Variants in DAP3 observed in about 807,000 individuals in gnomAD.
DAP3 encodes the protein death associated protein 3, also known as small ribosomal subunit protein mS29.
Under a neutral mutation model 51.9 loss-of-function variants are expected in DAP3, and 28 were observed. The observed-to-expected ratio is 0.54, with a 90% CI of 0.40 to 0.74. The LOEUF (loss-of-function observed/expected upper bound fraction) is 0.74. DAP3 is among the 30% of genes least tolerant of loss of function. DAP3 has a pLI of 0.00. For synonymous variants in DAP3, 170 were observed against 170.3 expected, an observed-to-expected ratio of 1.00 and a Z score of 0.01; for missense variants, 458 against 483.5, an observed-to-expected ratio of 0.95 and a Z score of 0.49.
rs753601848 is a variant in DAP3, at chr1:155,693,918, G to A, written c.-8+4744G>A. ...GGAGGTTGCAGTGAGCTGAGATTGC[G>A]CCATTGCACTCCAGCCTGTGCAACA... On this transcript the variant is annotated intron_variant, in intron 1 of 12. Transcript: ENST00000368336. Among the ~76,000 whole-genome samples the A allele has an allele frequency of 8.6e-5, 12 of 140,324 alleles. 1 individual carries two copies. The highest frequency in any genetic ancestry group is 2.1e-4 in the South Asian group (1 of 4,804). 92.1% of individuals were successfully genotyped at this position (140,324 alleles called of 152,430 possible). A position where few individuals can be genotyped will look rare whatever the true frequency, so the allele number is the denominator to read the frequency against.
chr1:155,697,232 C>T (rs957139797), intron 1 of DAP3, among the ~76,000 whole-genome samples: 9 of 152,112 alleles, frequency 5.9e-5, no homozygotes, highest in African/African-American at 1.7e-4. Context: ...GTGCGGCAAG[C>T]TGAGTTTCAG....
intron 8 of DAP3, 38 bp from the exon 9 acceptor site, chr1:155,729,170 C>T (rs372817713): frequency 1.9e-6 from 3 of 1,613,922 alleles, no homozygotes; most frequent in Non-Finnish European, 2.5e-6. Context: ...CAAGAGAAGG[C>T]CTCTGGTAGC....
At position 155,725,454 on chromosome 1, in the gene DAP3, A is replaced by T. The variant is rs1330274964; in HGVS notation, c.343A>T (p.Thr115Ser). Reference protein sequence around the residue: ...ALELLHYLKNTSFAYPAIRYL... With the variant: ...ALELLHYLKNSSFAYPAIRYL... ...AGAACTTCTGCATTACCTGAAAAAC[A>T]CCAGTTTTGCTTATCCAGCTATACG... The change falls in exon 5 of 13, where the codon ACC becomes TCC. Residue 115 changes from threonine to serine, a missense_variant. Physicochemically the swap from Thr to Ser is moderately conservative, Grantham distance 58 (BLOSUM62 1). Coordinates refer to ENST00000368336, the MANE Select transcript of DAP3 (RefSeq NM_004632.4). 6.2e-7 allele frequency: 1 copy of T among 1,614,166 alleles called. No individual in the cohort carries two copies. Among genetic ancestry groups the T allele is most frequent in the East Asian group, 2.2e-5 (1 of 44,892 alleles).
intron 2 of DAP3, among the ~76,000 whole-genome samples, 169 bp from the exon 3 acceptor site, chr1:155,716,837 C>G (rs544570828): frequency 6.6e-6 from 1 of 151,766 alleles, no homozygotes; most frequent in South Asian, 2.1e-4. Flanking sequence ...ATCCCAGTTA[C>G]TCAGGAAGCT....
intron 1 of DAP3, among the ~76,000 whole-genome samples, chr1:155,694,439 A>G (rs1654256056): frequency 7.1e-6 from 1 of 141,588 alleles, no homozygotes; most frequent in Non-Finnish European, 1.5e-5. Flanking sequence ...GAGACTTACC[A>G]CCATGGTAAT....
chr1:155,718,713 T>TAGAA (rs1657632530), intron 3 of DAP3, among the ~76,000 whole-genome samples: 1 of 100,796 alleles, frequency 9.9e-6, no homozygotes, highest in South Asian at 2.7e-4. Flanking sequence ...GAAAGATAGA[T>TAGAA]AGATAGATAG....
chr1:155,725,789 G>A (rs11264406), intron 5 of DAP3, 138 bp from the exon 6 acceptor site: 501 of 724,604 alleles, frequency 6.9e-4, no homozygotes, highest in Middle Eastern at 3.5e-3. Context: ...GCTTGAACCC[G>A]GGAAGCGGAG....
At position 155,693,993 on chromosome 1, in the gene DAP3, A is replaced by G. The variant is rs917628628; in HGVS notation, c.-8+4819A>G. On this transcript the variant is annotated intron_variant, in intron 1 of 12. Coordinates refer to ENST00000368336, the MANE Select transcript of DAP3 (RefSeq NM_004632.4). Reference sequence around the variant, plus strand: ...AAAGAAAGAAAAAAAAAGAGATACAATCCTTTCAAATCAATATTTCTAAAT... The same window carrying G: ...AAAGAAAGAAAAAAAAAGAGATACAGTCCTTTCAAATCAATATTTCTAAAT... 4.2e-5 allele frequency among the ~76,000 whole-genome samples: 6 copies of G among 141,530 alleles called. 1 individual carries two copies. Among genetic ancestry groups the G allele is most frequent in the South Asian group, 2.1e-4 (1 of 4,820 alleles). 92.8% of individuals were successfully genotyped at this position (141,530 alleles called of 152,430 possible). A position where few individuals can be genotyped will look rare whatever the true frequency, so the allele number is the denominator to read the frequency against.
intron 6 of DAP3, 193 bp downstream of exon 6, chr1:155,726,212 CAA>C (rs1388851238): frequency 1.8e-5 from 7 of 382,156 alleles, no homozygotes; most frequent in Admixed American, 1.8e-4. Context: ...CTCCCAGGCT[CAA>C]GAGATTCTCC....
chr1:155,688,651 A>T (rs1343436158), upstream of DAP3: 8 of 1,532,916 alleles, frequency 5.2e-6, no homozygotes, highest in African/African-American at 8.3e-5. Context: ...GCAGGCCCTC[A>T]CGCGTACCTT....
intron 1 of DAP3, among the ~76,000 whole-genome samples, chr1:155,695,864 G>T (rs1386704039): frequency 6.6e-6 from 1 of 152,122 alleles, no homozygotes; most frequent in African/African-American, 2.4e-5. Context: ...AACAATCATG[G>T]CTCCTTCCAA....
At chr1:155,700,516 G>A (rs942148512) in intron 1 of DAP3, among the ~76,000 whole-genome samples, 1 of 50,340 alleles carries the variant, frequency 2.0e-5, no homozygotes, top group African/African-American at 9.8e-4. Flanking sequence ...GAGGGAGGTG[G>A]GGGGGGCGGT....
At chr1:155,688,954 C>T (rs1357122566), upstream of DAP3, 11 of 1,611,236 alleles carry the variant, frequency 6.8e-6, no homozygotes, top group Non-Finnish European at 9.3e-6. Flanking sequence ...CGCCGCGGCG[C>T]TGCGGCTCGC....
intron 1 of DAP3, among the ~76,000 whole-genome samples, chr1:155,701,239 C>T (rs1246948839): frequency 1.2e-5 from 1 of 82,948 alleles, no homozygotes; most frequent in Admixed American, 1.1e-4. Context: ...AATAGAAAGG[C>T]GGGAAAGGTG....
upstream of DAP3, chr1:155,688,404 T>G (rs1213911308): frequency 6.5e-7 from 1 of 1,543,722 alleles, no homozygotes; most frequent in African/African-American, 1.4e-5. Context: ...ACCCCCAACC[T>G]CCCACTCCTC....
At chr1:155,688,798 C>A (rs1653174386), upstream of DAP3, 3 of 1,549,614 alleles carry the variant, frequency 1.9e-6, no homozygotes, top group South Asian at 3.6e-5. Context: ...GCGCCTCCCA[C>A]AGTCCCCACC....
intron 10 of DAP3, 97 bp from the exon 11 acceptor site, chr1:155,731,846 TG>T: frequency 8.0e-7 from 1 of 1,245,330 alleles, no homozygotes; most frequent in South Asian, 1.5e-5. Context: ...TTTGTAACAC[TG>T]TATGCCCAAG....
upstream of DAP3, chr1:155,689,014 C>T (rs1308078179): frequency 2.5e-6 from 4 of 1,587,628 alleles, no homozygotes; most frequent in Non-Finnish European, 3.4e-6. Context: ...GCCTAGCGCC[C>T]CTCTGCCGGC....
intron 1 of DAP3, among the ~76,000 whole-genome samples, chr1:155,700,329 G>A (rs989589191): frequency 6.6e-6 from 1 of 152,218 alleles, no homozygotes; most frequent in Non-Finnish European, 1.5e-5. Context: ...CTCCCATTCT[G>A]TGGGCTGTCT....
Sources: gnomAD v4.1 joint callset for allele counts (sites outside exome capture counted in the v4.1 genomes callset) on GRCh38, gnomAD v4.1.1 for gene constraint, MANE v1.5 for transcripts, NCBI Gene and HGNC (gene_info 2026-07-23, HGNC 2026-07-21) for gene names.